JMJD1C: variants seen among roughly 807,000 people sequenced by gnomAD.
The protein encoded by JMJD1C is jumonji domain-containing protein 1C.
In JMJD1C, 31 loss-of-function variants were observed where a neutral mutation model predicts 245.3. The observed-to-expected ratio is 0.13, with a 90% CI of 0.09 to 0.17. The LOEUF (loss-of-function observed/expected upper bound fraction) is 0.17, where lower values mean the gene tolerates loss of function less well. Ranked by LOEUF, JMJD1C falls within the 10% of genes least tolerant of loss-of-function variation. The probability of loss-of-function intolerance (pLI) is 1.00; values close to 1 mark genes in which losing one functional copy is unlikely to be tolerated. For synonymous variants in JMJD1C, 1,057 were observed against 1,017.4 expected, an observed-to-expected ratio of 1.04 and a Z score of -0.74; for missense variants, 2,691 against 3,000.2, an observed-to-expected ratio of 0.90 and a Z score of 2.41.
Position 63,304,844 on chromosome 10 carries a change from G to A in JMJD1C, c.334-40080C>T, listed in dbSNP as rs1013011732. ...ATTGGTAAATAGCCAACTAAAGATT[G>A]ACTAGGAGGCCAGGCACAGGGGCTC... On this transcript the variant is annotated intron_variant, in intron 2 of 25. Transcript: ENST00000399262. Among the ~76,000 whole-genome samples the A allele has an allele frequency of 3.9e-5, 6 of 152,308 alleles. No homozygotes were observed. The East Asian group carries it at 9.6e-4, about 24-fold the overall frequency.
chr10:63,192,207 G>T (rs545729010), intron 16 of JMJD1C, among the ~76,000 whole-genome samples: 31 of 143,666 alleles, frequency 2.2e-4, no homozygotes, highest in Admixed American at 1.2e-3. Context: ...TTGAGCCCAG[G>T]AGTTCAAGAA....
intron 3 of JMJD1C, among the ~76,000 whole-genome samples, chr10:63,223,224 G>A (rs1291551897): frequency 8.3e-6 from 1 of 120,978 alleles, no homozygotes; most frequent in Non-Finnish European, 1.7e-5. Flanking sequence ...TGTTTTTTCT[G>A]TGCTGTTTTT....
At chr10:63,498,764 A>G (rs1190610925) in intron 1 of JMJD1C, among the ~76,000 whole-genome samples, 1 of 152,180 alleles carries the variant, frequency 6.6e-6, no homozygotes, top group African/African-American at 2.4e-5. Context: ...CAAATGTTTA[A>G]GTATACAGTA....
chr10:63,246,055 A>T (rs1000982065), intron 3 of JMJD1C, among the ~76,000 whole-genome samples: 1 of 152,240 alleles, frequency 6.6e-6, no homozygotes, highest in African/African-American at 2.4e-5. Context: ...CAATGAAAAG[A>T]AATGAAGATA....
At position 63,206,623 on chromosome 10, in the gene JMJD1C, ACTT is replaced by A; in HGVS notation, c.5043_5045del (p.Arg1681del). The A allele has an allele frequency of 6.3e-7, 1 of 1,596,096 alleles. No homozygotes were observed. The highest frequency in any genetic ancestry group is 8.5e-7 in the Non-Finnish European group (1 of 1,174,784). On this transcript the variant is annotated inframe_deletion, in exon 10 of 26. Transcript: ENST00000399262. ...TACTGTTGCTTTGCAACTTCAGTTT[ACTT>A]CTTTCTTTGGCACTCCTGCTGAGAA...
chr10:63,286,780 C>T (rs569572266), intron 2 of JMJD1C, among the ~76,000 whole-genome samples: 1 of 152,276 alleles, frequency 6.6e-6, no homozygotes, highest in East Asian at 1.9e-4. Context: ...GCTAAATCAG[C>T]ACCCTGGGAA....
chr10:63,273,189 T>C (rs555239600), intron 2 of JMJD1C, among the ~76,000 whole-genome samples: 1 of 152,328 alleles, frequency 6.6e-6, no homozygotes, highest in East Asian at 1.9e-4. Context: ...ATATTTAAAA[T>C]GGGCTTGACA....
At chr10:63,337,757 G>C (rs964302571) in intron 2 of JMJD1C, among the ~76,000 whole-genome samples, 2 of 152,100 alleles carry the variant, frequency 1.3e-5, no homozygotes, top group African/African-American at 4.8e-5. Context: ...AGAGCAAGCT[G>C]ATGAGCCAGA....
chr10:63,329,894 T>A (rs996099941), intron 2 of JMJD1C, among the ~76,000 whole-genome samples: 6 of 152,158 alleles, frequency 3.9e-5, no homozygotes, highest in African/African-American at 1.4e-4. Context: ...GTCCTGAGCA[T>A]GTTTTTTTGT....
chr10:63,391,566 C>G (rs977021858), intron 1 of JMJD1C, among the ~76,000 whole-genome samples: 1 of 151,758 alleles, frequency 6.6e-6, no homozygotes, highest in African/African-American at 2.4e-5. Context: ...TTTATAATAC[C>G]TAAAGAAAAA....
At position 63,168,146 on chromosome 10, in the gene JMJD1C, G is replaced by A. The variant is rs1480449866; in HGVS notation, c.7534-12C>T. 4.5e-6 allele frequency: 7 copies of A among 1,544,576 alleles called. No homozygotes were observed. The highest frequency in any genetic ancestry group is 6.3e-6 in the Non-Finnish European group (7 of 1,119,052). ...AAAATATTTTTAACCTGAAAGAGAT[G>A]TTGATATTTCTAATCACTTCAGTTC... is the stretch of plus-strand genomic sequence containing the variant. On this transcript the variant is annotated splice_polypyrimidine_tract_variant and intron_variant, in intron 25 of 25. Transcript: ENST00000399262.
chr10:63,484,554 G>C (rs1199596576), intron 1 of JMJD1C, among the ~76,000 whole-genome samples: 3 of 151,724 alleles, frequency 2.0e-5, no homozygotes, highest in Non-Finnish European at 4.4e-5. Flanking sequence ...CTGAACTTGA[G>C]ATTTTGTTAA....
At chr10:63,285,387 C>T (rs994741459) in intron 2 of JMJD1C, among the ~76,000 whole-genome samples, 2 of 152,132 alleles carry the variant, frequency 1.3e-5, no homozygotes, top group Non-Finnish European at 2.9e-5. Flanking sequence ...AAATTTGAAG[C>T]CCTCCAATCA....
chr10:63,274,055 C>T (rs991027303), intron 2 of JMJD1C, among the ~76,000 whole-genome samples: 3 of 152,100 alleles, frequency 2.0e-5, no homozygotes, highest in African/African-American at 7.2e-5. Flanking sequence ...GCAAAAAACT[C>T]TGACAAGTTC....
At chr10:63,287,272 C>CA (rs1279809291) in intron 2 of JMJD1C, among the ~76,000 whole-genome samples, 10 of 152,238 alleles carry the variant, frequency 6.6e-5, no homozygotes, top group Non-Finnish European at 1.3e-4. Flanking sequence ...AGCACTGTCT[C>CA]AGAGATTTTG....
At chr10:63,229,051 A>G (rs997208444) in intron 3 of JMJD1C, among the ~76,000 whole-genome samples, 11 of 152,326 alleles carry the variant, frequency 7.2e-5, no homozygotes, top group African/African-American at 2.6e-4. Flanking sequence ...ATTAAAAAGT[A>G]AGAGATATTA....
At chr10:63,376,720 A>G (rs562036524) in intron 2 of JMJD1C, among the ~76,000 whole-genome samples, 36 of 152,310 alleles carry the variant, frequency 2.4e-4, no homozygotes, top group Admixed American at 1.8e-3. Context: ...ACAAAACCAC[A>G]ATGACATGCC....
intron 2 of JMJD1C, among the ~76,000 whole-genome samples, chr10:63,369,502 TGGTAAATCCGGG>T (rs777874201): frequency 1.6e-4 from 24 of 152,246 alleles, no homozygotes; most frequent in Non-Finnish European, 2.6e-4. Context: ...ACAAAAATAG[TGGTAAATCCGGG>T]GGAAAATGAG....
chr10:63,351,439 A>G (rs1443566943), intron 2 of JMJD1C, among the ~76,000 whole-genome samples: 1 of 152,192 alleles, frequency 6.6e-6, no homozygotes, highest in Non-Finnish European at 1.5e-5. Flanking sequence ...TAATTCCAAT[A>G]TATGTATTAA....
Sources: gnomAD v4.1 joint callset for allele counts (sites outside exome capture counted in the v4.1 genomes callset) on GRCh38, gnomAD v4.1.1 for gene constraint, MANE v1.5 for transcripts, NCBI Gene and HGNC (gene_info 2026-07-23, HGNC 2026-07-21) for gene names.